The following CNTNAP2 variants were observed in gnomAD, a reference collection of about 807,000 sequenced individuals.
The protein encoded by CNTNAP2 is contactin associated protein 2.
A neutral mutation model predicts 155.2 loss-of-function variants in CNTNAP2; 98 were observed. The ratio of observed to expected loss-of-function variants is 0.63; its 90% CI spans 0.54 to 0.75. The LOEUF (loss-of-function observed/expected upper bound fraction) is 0.75. Ranked by LOEUF, CNTNAP2 falls within the 30% of genes least tolerant of loss-of-function variation. The probability of loss-of-function intolerance (pLI) is 0.00; values close to 1 mark genes in which losing one functional copy is unlikely to be tolerated. For synonymous variants in CNTNAP2, 651 were observed against 631.2 expected, an observed-to-expected ratio of 1.03 and a Z score of -0.47; for missense variants, 1,727 against 1,688.1, an observed-to-expected ratio of 1.02 and a Z score of -0.40.
rs1172291058 is a variant in CNTNAP2 at position 147,939,786 on chromosome 7, T to C, written c.2255+36065T>C. Among the ~76,000 whole-genome samples, 3 of 138,984 alleles carry C rather than the reference T, an allele frequency of 2.2e-5. No individual in the cohort carries two copies. The East Asian group carries it at 5.9e-4, about 27-fold the overall frequency. 91.2% of individuals were successfully genotyped at this position (138,984 alleles called of 152,430 possible). A position where few individuals can be genotyped will look rare whatever the true frequency, so the allele number is the denominator to read the frequency against. On this transcript the variant is annotated intron_variant, in intron 14 of 23. Transcript: ENST00000361727. ...CAAGTGTCCATTTCCAATCTCTCTT[T>C]CTCTCTCTCTCTCTCTCACACACAC... is the stretch of plus-strand genomic sequence containing the variant.
chr7:148,180,919 C>A (rs998128863), intron 18 of CNTNAP2, among the ~76,000 whole-genome samples: 2 of 152,138 alleles, frequency 1.3e-5, no homozygotes, highest in African/African-American at 4.8e-5. Context: ...GGAAGAGCTA[C>A]CCTCAATGTG....
intron 9 of CNTNAP2, among the ~76,000 whole-genome samples, chr7:147,321,014 C>A (rs1332263553): frequency 1.3e-5 from 2 of 152,182 alleles, no homozygotes; most frequent in African/African-American, 4.8e-5. Flanking sequence ...AATCTATTTT[C>A]TTTCAGGCAG....
At chr7:146,658,384 C>CAAAAA (rs200493732) in intron 1 of CNTNAP2, among the ~76,000 whole-genome samples, 1 of 139,674 alleles carries the variant, frequency 7.2e-6, no homozygotes. Flanking sequence ...TGATTTCTGC[C>CAAAAA]AAAAAAAAAA....
chr7:147,775,310 AATAT>A (rs1162945690), intron 13 of CNTNAP2, among the ~76,000 whole-genome samples: 3 of 47,612 alleles, frequency 6.3e-5, no homozygotes, highest in South Asian at 6.1e-4. Context: ...TATATTTATA[AATAT>A]ATATATATTT....
chr7:148,253,055 T>TGATAGATAGATA (rs56702767), intron 20 of CNTNAP2, among the ~76,000 whole-genome samples: 26,850 of 138,476 alleles, frequency 0.19, 3,519 homozygotes, highest in South Asian at 0.44. Context: ...GATAGACAGA[T>TGATAGATAGATA]GATAGATAGA....
At position 146,368,920 on chromosome 7, in the gene CNTNAP2, G is replaced by A. The variant is rs185861366; in HGVS notation, c.97+251947G>A. 6.1e-3 allele frequency among the ~76,000 whole-genome samples: 914 copies of A among 149,460 alleles called. 11 individuals are homozygous for A. Among genetic ancestry groups the A allele is most frequent in the African/African-American group, 0.021 (866 of 40,840 alleles). ...TCCATACTTTTAAATACTGTAACTT[G>A]TGTTATTGAATTAAGCCAGCCAGTC... On this transcript the variant is annotated intron_variant, in intron 1 of 23. Coordinates refer to ENST00000361727, the MANE Select transcript of CNTNAP2 (RefSeq NM_014141.6).
At chr7:147,108,381 C>T (rs534470358) in intron 5 of CNTNAP2, 31 bp downstream of exon 5, 19 of 1,563,322 alleles carry the variant, frequency 1.2e-5, no homozygotes, top group South Asian at 6.9e-5. Flanking sequence ...CTATTCTTTC[C>T]GTTATGGATG....
intron 15 of CNTNAP2, among the ~76,000 whole-genome samples, chr7:148,073,586 C>G (rs146375440): frequency 1.3e-5 from 2 of 152,226 alleles, no homozygotes; most frequent in African/African-American, 4.8e-5. Context: ...TCAAAAATTC[C>G]TTACTTTACT....
chr7:147,725,708 G>C (rs370201247), intron 13 of CNTNAP2, among the ~76,000 whole-genome samples: 42 of 152,120 alleles, frequency 2.8e-4, no homozygotes, highest in African/African-American at 9.6e-4. Flanking sequence ...ATTGCTTTTC[G>C]GGTAAAGGTC....
At chr7:146,915,512 T>C (rs1480813478) in intron 3 of CNTNAP2, among the ~76,000 whole-genome samples, 1 of 152,166 alleles carries the variant, frequency 6.6e-6, no homozygotes, top group Admixed American at 6.6e-5. Flanking sequence ...TAATTTTCCT[T>C]GTAGAAGTCT....
At chr7:146,562,851 G>T in intron 1 of CNTNAP2, among the ~76,000 whole-genome samples, 1 of 151,878 alleles carries the variant, frequency 6.6e-6, no homozygotes, top group Non-Finnish European at 1.5e-5. Flanking sequence ...TTCAAATTAG[G>T]GAGGATTTAA....
chr7:147,952,385 T>TG (rs1434584020), intron 14 of CNTNAP2, among the ~76,000 whole-genome samples: 1 of 151,534 alleles, frequency 6.6e-6, no homozygotes, highest in Non-Finnish European at 1.5e-5. Flanking sequence ...GAGGTTGTAG[T>TG]GAGCCAAGGC....
At chr7:148,170,248 A>G (rs533444863) in intron 17 of CNTNAP2, among the ~76,000 whole-genome samples, 2 of 152,250 alleles carry the variant, frequency 1.3e-5, no homozygotes, top group Admixed American at 6.5e-5. Flanking sequence ...GCATATTTTG[A>G]TAGAATATAA....
At chr7:146,874,921 C>A (rs1795389706) in intron 3 of CNTNAP2, among the ~76,000 whole-genome samples, 1 of 152,156 alleles carries the variant, frequency 6.6e-6, no homozygotes, top group South Asian at 2.1e-4. Flanking sequence ...ATTGTGCAAT[C>A]ATTCTTGCCA....
At chr7:146,331,228 C>CCAG in intron 1 of CNTNAP2, among the ~76,000 whole-genome samples, 1 of 149,044 alleles carries the variant, frequency 6.7e-6, no homozygotes, top group Middle Eastern at 3.5e-3. Context: ...GGCGTGAACC[C>CCAG]GGGAAGCGGA....
chr7:148,305,794 C>T (rs34187352), intron 21 of CNTNAP2, among the ~76,000 whole-genome samples: 1 of 152,174 alleles, frequency 6.6e-6, no homozygotes, highest in Non-Finnish European at 1.5e-5. Flanking sequence ...GGACCCTCCC[C>T]TGACACATGG....
chr7:146,583,629 A>G (rs1798645214), intron 1 of CNTNAP2, among the ~76,000 whole-genome samples: 1 of 152,186 alleles, frequency 6.6e-6, no homozygotes, highest in Non-Finnish European at 1.5e-5. Flanking sequence ...CATAGTTTAA[A>G]TCAGTTCTTA....
At chr7:146,613,072 T>C (rs1420476955) in intron 1 of CNTNAP2, among the ~76,000 whole-genome samples, 4 of 152,172 alleles carry the variant, frequency 2.6e-5, no homozygotes, top group African/African-American at 9.7e-5. Context: ...GTCTTCCTTA[T>C]ATTTTCCCTA....
intron 1 of CNTNAP2, among the ~76,000 whole-genome samples, chr7:146,569,094 G>A (rs753031226): frequency 3.5e-4 from 53 of 151,822 alleles, no homozygotes; most frequent in Non-Finnish European, 6.3e-4. Context: ...TTGGCTCACC[G>A]CAAGGGCTGC....
Sources: allele counts gnomAD v4.1 joint callset (sites outside exome capture counted in the v4.1 genomes callset), GRCh38; gene constraint gnomAD v4.1.1; transcripts MANE v1.5; gene names NCBI Gene and HGNC (gene_info 2026-07-23, HGNC 2026-07-21).